Variants in LINGO2 observed in about 807,000 individuals in gnomAD.
LINGO2 encodes leucine-rich repeat and immunoglobulin-like domain-containing nogo receptor-interacting protein 2.
A neutral mutation model predicts 30.6 loss-of-function variants in LINGO2; 14 were observed. That is an observed-to-expected ratio of 0.46 (90% CI 0.30 to 0.72). The LOEUF (loss-of-function observed/expected upper bound fraction) is 0.72, where lower values mean the gene tolerates loss of function less well. Among genes scored for constraint, LINGO2 ranks in the 30% least tolerant of loss-of-function variants. The pLI is 0.07. For synonymous variants in LINGO2, 317 were observed against 288.5 expected (o/e 1.10, Z -1.00); for missense variants, 729 against 751.7 (o/e 0.97, Z 0.35).
chr9:27,948,645 C>A, exon 6 of LINGO2: 1 of 589,130 alleles, frequency 1.7e-6, no homozygotes, highest in Non-Finnish European at 3.0e-6. Flanking sequence ...ACTTAGTATC[C>A]CACTGTGTGA....
intron 1 of LINGO2, among the ~76,000 whole-genome samples, chr9:28,622,500 T>C (rs1215119380): frequency 1.3e-5 from 2 of 152,066 alleles, no homozygotes; most frequent in Non-Finnish European, 2.9e-5. Context: ...TCCAGTTCCA[T>C]GTATGTTGTT....
At chr9:27,953,656 A>G (rs748956936) in intron 5 of LINGO2, among the ~76,000 whole-genome samples, 5 of 152,088 alleles carry the variant, frequency 3.3e-5, no homozygotes, top group Admixed American at 6.6e-5. Context: ...TCCTGCTGCC[A>G]TATGAGGAAG....
At chr9:29,151,054 A>T in the LINGO2 span, among the ~76,000 whole-genome samples, 2 of 152,120 alleles carry the variant, frequency 1.3e-5, no homozygotes, top group East Asian at 3.9e-4. Flanking sequence ...TCAGGCTTGC[A>T]GCAGACCTCT....
intron 1 of LINGO2, among the ~76,000 whole-genome samples, chr9:28,640,900 C>T (rs557633226): frequency 9.2e-5 from 14 of 152,254 alleles, no homozygotes; most frequent in East Asian, 1.9e-4. Flanking sequence ...AGGAGAGGCA[C>T]GCTGATTTTT....
chr9:28,714,164 A>AATCTATATATATATATATATATATATAT, the LINGO2 span, among the ~76,000 whole-genome samples: 11 of 117,156 alleles, frequency 9.4e-5, no homozygotes, highest in African/African-American at 3.7e-4. Flanking sequence ...TGCCTCAAAT[A>AATCTATATATATATATATATATATATAT]ATATATATAT....
chr9:28,534,234 G>T (rs118190825), intron 1 of LINGO2, among the ~76,000 whole-genome samples: 1 of 152,214 alleles, frequency 6.6e-6, no homozygotes, highest in Non-Finnish European at 1.5e-5. Flanking sequence ...ATGGATCACT[G>T]CAGTCTCCAG....
the LINGO2 span, among the ~76,000 whole-genome samples, chr9:28,755,811 CTCACAGCTATGTCCGA>C: frequency 2.6e-5 from 4 of 152,042 alleles, no homozygotes; most frequent in Non-Finnish European, 4.4e-5. Flanking sequence ...AGGTCTATTG[CTCACAGCTATGTCCGA>C]TCACAGCTAT....
At chr9:28,301,976 T>A (rs1039577640) in intron 3 of LINGO2, among the ~76,000 whole-genome samples, 7 of 152,186 alleles carry the variant, frequency 4.6e-5, no homozygotes, top group African/African-American at 1.7e-4. Context: ...CCAGCCAAAC[T>A]AAGCTTCCTC....
chr9:28,141,159 A>G (rs975297280), intron 4 of LINGO2, among the ~76,000 whole-genome samples: 28 of 152,202 alleles, frequency 1.8e-4, no homozygotes, highest in Non-Finnish European at 2.1e-4. Flanking sequence ...TATTTCTGTC[A>G]TGATATTAGC....
At chr9:29,134,305 G>A in the LINGO2 span, among the ~76,000 whole-genome samples, 1 of 152,094 alleles carries the variant, frequency 6.6e-6, no homozygotes, top group Non-Finnish European at 1.5e-5. Flanking sequence ...TATAACTGGA[G>A]CTGTCCTTGT....
At chr9:28,889,998 C>T in the LINGO2 span, among the ~76,000 whole-genome samples, 475 of 152,174 alleles carry the variant, frequency 3.1e-3, 2 homozygotes, top group African/African-American at 0.011. Flanking sequence ...CCTGTTCACA[C>T]ACAGGGTCTC....
chr9:29,013,050 A>G, the LINGO2 span, among the ~76,000 whole-genome samples: 1 of 152,214 alleles, frequency 6.6e-6, no homozygotes, highest in Non-Finnish European at 1.5e-5. Flanking sequence ...TGGCAAGGGA[A>G]GCCTTAGACA....
At chr9:28,794,817 T>G in the LINGO2 span, among the ~76,000 whole-genome samples, 8 of 151,626 alleles carry the variant, frequency 5.3e-5, no homozygotes, top group South Asian at 6.2e-4. Context: ...ATAAATTTTT[T>G]TTCTTTTCTT....
intron 1 of LINGO2, among the ~76,000 whole-genome samples, chr9:28,485,900 T>C (rs922081859): frequency 2.6e-5 from 4 of 152,092 alleles, no homozygotes; most frequent in African/African-American, 9.7e-5. Flanking sequence ...AAAAATATCT[T>C]GTTGGCAACT....
At chr9:28,857,685 T>C in the LINGO2 span, among the ~76,000 whole-genome samples, 1 of 152,104 alleles carries the variant, frequency 6.6e-6, no homozygotes, top group Non-Finnish European at 1.5e-5. Context: ...CTTAAAATCA[T>C]ATGAAATATG....
intron 4 of LINGO2, among the ~76,000 whole-genome samples, chr9:28,290,585 C>G (rs1049769128): frequency 1.1e-4 from 17 of 151,370 alleles, no homozygotes; most frequent in Admixed American, 3.3e-4. Context: ...AGTCTGAAAT[C>G]CATCTCCCTG....
chr9:28,096,570 T>G (rs1226297157), intron 4 of LINGO2, among the ~76,000 whole-genome samples: 1 of 152,134 alleles, frequency 6.6e-6, no homozygotes, highest in Non-Finnish European at 1.5e-5. Context: ...TTGTAGTGCC[T>G]AGACAGAGAG....
chr9:28,372,787 C>T (rs1331871), intron 3 of LINGO2, 49 bp downstream of exon 5: 150,515 of 152,708 alleles, frequency 0.99, 74,213 homozygotes, highest in Middle Eastern at 1. Context: ...CATAGATTTA[C>T]ACAATTACAA....
At chr9:28,869,001 A>C in the LINGO2 span, among the ~76,000 whole-genome samples, 1 of 152,152 alleles carries the variant, frequency 6.6e-6, no homozygotes, top group Non-Finnish European at 1.5e-5. Flanking sequence ...GCCTGCTTTT[A>C]GCTCAGGACT....
Sources: allele counts gnomAD v4.1 joint callset (sites outside exome capture counted in the v4.1 genomes callset), GRCh38; gene constraint gnomAD v4.1.1; transcripts MANE v1.5; gene names NCBI Gene and HGNC (gene_info 2026-07-23, HGNC 2026-07-21).